COL14A1: variants seen among roughly 807,000 people sequenced by gnomAD.
COL14A1 encodes collagen alpha-1(XIV) chain.
COL14A1 carries 136 observed loss-of-function variants against 230.3 expected under a neutral mutation model. That is an observed-to-expected ratio of 0.59 (90% CI 0.51 to 0.68). The LOEUF (loss-of-function observed/expected upper bound fraction) is 0.68. COL14A1 is among the 30% of genes least tolerant of loss of function. The pLI is 0.00. For synonymous variants in COL14A1, 792 were observed against 784.1 expected (o/e 1.01, Z -0.17); for missense variants, 1,976 against 2,215.8 (o/e 0.89, Z 2.17).
rs141126087 is a variant in COL14A1, at chr8:120,212,010, A to G, written c.1468-438A>G. Among the ~76,000 whole-genome samples, 757 of 152,354 alleles carry G rather than the reference A, an allele frequency of 5.0e-3. 5 individuals are homozygous for G. The highest frequency in any genetic ancestry group is 7.9e-3 in the Non-Finnish European group (538 of 68,032). ...GGCCCAGCTTCATTGAGTTTGAAGC[A>G]AAAACTGGGCATCTGGCCAGAGCAC... is the stretch of plus-strand genomic sequence containing the variant. On this transcript the variant is annotated intron_variant, in intron 12 of 47. Coordinates refer to ENST00000297848, the MANE Select transcript of COL14A1 (RefSeq NM_021110.4).
At chr8:120,227,171 A>T (rs765367132) in intron 16 of COL14A1, 49 bp from the exon 17 acceptor site, 3 of 1,593,184 alleles carry the variant, frequency 1.9e-6, no homozygotes, top group Admixed American at 3.5e-5. Flanking sequence ...CTTTTTCTTT[A>T]CTTTTTTTTC....
chr8:120,301,828 A>G (rs370887734), intron 36 of COL14A1, among the ~76,000 whole-genome samples: 1 of 152,202 alleles, frequency 6.6e-6, no homozygotes, highest in Non-Finnish European at 1.5e-5. Context: ...CCAACAGTGT[A>G]TAAGTGTTCC....
At chr8:120,304,434 T>C (rs1463447226) in intron 36 of COL14A1, among the ~76,000 whole-genome samples, 1 of 152,214 alleles carries the variant, frequency 6.6e-6, no homozygotes, top group African/African-American at 2.4e-5. Context: ...GAGATTCTGG[T>C]ATGTTGTACC....
chr8:120,224,299 T>C lies in COL14A1; in HGVS notation c.1738-789T>C, dbSNP rs373124263. ...GCCTCGGCCTCCCAAAGTGCTGGGA[T>C]TGCAGGCGTGTAATCGTGTAGCACA... On this transcript the variant is annotated intron_variant, in intron 14 of 47. Coordinates refer to ENST00000297848, the MANE Select transcript of COL14A1 (RefSeq NM_021110.4). 1.2e-4 allele frequency among the ~76,000 whole-genome samples: 19 copies of C among 152,224 alleles called. No homozygotes were observed. In the East Asian group the frequency reaches 3.5e-3, roughly 28 times the overall value.
At chr8:120,180,976 G>A (rs536353393) in intron 5 of COL14A1, among the ~76,000 whole-genome samples, 5 of 152,062 alleles carry the variant, frequency 3.3e-5, no homozygotes, top group Non-Finnish European at 7.4e-5. Context: ...CAAAGTGCTG[G>A]GATTACAGGC....
intron 5 of COL14A1, among the ~76,000 whole-genome samples, chr8:120,190,062 T>C (rs9694667): frequency 0.61 from 89,731 of 147,060 alleles, 27,434 homozygotes; most frequent in Middle Eastern, 0.68. Flanking sequence ...ATCGCCACAC[T>C]GACTTCCACA....
At chr8:120,295,003 G>A (rs1820481324) in intron 34 of COL14A1, among the ~76,000 whole-genome samples, 1 of 151,848 alleles carries the variant, frequency 6.6e-6, no homozygotes. Context: ...GTTATAGGTG[G>A]TTAGGTGGTA....
At chr8:120,182,451 G>A (rs1816490975) in intron 5 of COL14A1, among the ~76,000 whole-genome samples, 1 of 152,158 alleles carries the variant, frequency 6.6e-6, no homozygotes, top group African/African-American at 2.4e-5. Context: ...ATGAATTGGA[G>A]TAACCGGGAT....
intron 40 of COL14A1, among the ~76,000 whole-genome samples, chr8:120,328,012 C>T (rs570423701): frequency 2.6e-5 from 4 of 152,286 alleles, no homozygotes; most frequent in Admixed American, 6.5e-5. Context: ...CATCTGCCCG[C>T]CTCGGCCTCC....
chr8:120,271,154 A>G (rs375408631), intron 26 of COL14A1, among the ~76,000 whole-genome samples: 17 of 151,916 alleles, frequency 1.1e-4, no homozygotes, highest in African/African-American at 3.9e-4. Flanking sequence ...GTTCCCACTT[A>G]TAAGTGGGAG....
At chr8:120,172,862 G>A (rs139836493) in intron 5 of COL14A1, among the ~76,000 whole-genome samples, 98 of 152,226 alleles carry the variant, frequency 6.4e-4, no homozygotes, top group African/African-American at 1.9e-3. Context: ...CTTGTCTCCC[G>A]TTCCAGCATG....
intron 43 of COL14A1, among the ~76,000 whole-genome samples, chr8:120,341,850 T>C (rs551058775): frequency 6.6e-6 from 1 of 152,054 alleles, no homozygotes; most frequent in African/African-American, 2.4e-5. Context: ...AATTTAAGGG[T>C]CGTCTCTCTC....
chr8:120,228,848 T>G, intron 18 of COL14A1, 79 bp downstream of exon 18: 1 of 1,233,834 alleles, frequency 8.1e-7, no homozygotes, highest in Non-Finnish European at 1.2e-6. Context: ...GTTTTATTTA[T>G]TATTAACTAG....
intron 5 of COL14A1, among the ~76,000 whole-genome samples, chr8:120,176,053 A>G (rs373053623): frequency 1.3e-5 from 2 of 152,256 alleles, no homozygotes; most frequent in East Asian, 3.8e-4. Flanking sequence ...AGTGCCACAT[A>G]TTTTATATAT....
At chr8:120,236,638 G>A (rs1288182106) in intron 19 of COL14A1, among the ~76,000 whole-genome samples, 1 of 152,122 alleles carries the variant, frequency 6.6e-6, no homozygotes, top group African/African-American at 2.4e-5. Flanking sequence ...ATATTGTTAT[G>A]TGTGAATTCG....
chr8:120,160,436 T>C (rs1265313101), intron 3 of COL14A1, among the ~76,000 whole-genome samples: 2 of 152,128 alleles, frequency 1.3e-5, no homozygotes, highest in African/African-American at 2.4e-5. Flanking sequence ...AATCACAGAA[T>C]TGTAGAAGTG....
intron 1 of COL14A1, 23 bp from the exon 2 acceptor site, chr8:120,147,783 G>A (rs190170965): frequency 3.9e-6 from 5 of 1,275,570 alleles, no homozygotes; most frequent in Admixed American, 2.0e-5. Context: ...TCTCAAAAAT[G>A]TTCCTGTTCT....
At chr8:120,179,883 A>C (rs1385503436) in intron 5 of COL14A1, among the ~76,000 whole-genome samples, 2 of 152,202 alleles carry the variant, frequency 1.3e-5, no homozygotes, top group South Asian at 2.1e-4. Flanking sequence ...GCGAGTCTTC[A>C]TAAATAAAGC....
chr8:120,355,283 C>G (rs1822936546), intron 45 of COL14A1, among the ~76,000 whole-genome samples: 1 of 152,140 alleles, frequency 6.6e-6, no homozygotes, highest in African/African-American at 2.4e-5. Flanking sequence ...TGTTCATTCT[C>G]TACACTGGTA....
Sources: gnomAD v4.1 joint callset for allele counts (sites outside exome capture counted in the v4.1 genomes callset) on GRCh38, gnomAD v4.1.1 for gene constraint, MANE v1.5 for transcripts, NCBI Gene and HGNC (gene_info 2026-07-23, HGNC 2026-07-21) for gene names.